SEZ6L: variants seen among roughly 807,000 people sequenced by gnomAD.
SEZ6L encodes the protein seizure 6-like protein.
A neutral mutation model predicts 106.2 loss-of-function variants in SEZ6L; 37 were observed. The observed-to-expected ratio is 0.35, with a 90% CI of 0.27 to 0.46. The LOEUF is 0.46. Among genes scored for constraint, SEZ6L ranks in the 20% least tolerant of loss-of-function variants. SEZ6L has a pLI of 1.00. For missense variants in SEZ6L, 1,172 were observed against 1,332.8 expected (o/e 0.88, Z 1.88); for synonymous variants, 541 against 570.4 (o/e 0.95, Z 0.73).
intron 1 of SEZ6L, among the ~76,000 whole-genome samples, chr22:26,231,109 T>C (rs904713217): frequency 3.9e-5 from 6 of 152,342 alleles, no homozygotes; most frequent in African/African-American, 1.4e-4. Flanking sequence ...GCAAGAGGTA[T>C]TGCTCCCTGT....
chr22:26,232,979 C>T (rs2078847217), intron 1 of SEZ6L, among the ~76,000 whole-genome samples: 1 of 152,204 alleles, frequency 6.6e-6, no homozygotes, highest in South Asian at 2.1e-4. Context: ...AGACTCTGTC[C>T]TCCCCCGACA....
intron 5 of SEZ6L, among the ~76,000 whole-genome samples, chr22:26,302,848 GAGA>G (rs1165138880): frequency 6.6e-6 from 1 of 152,224 alleles, no homozygotes; most frequent in Non-Finnish European, 1.5e-5. Flanking sequence ...AAGGGAAGCA[GAGA>G]AGCCGCAAAC....
chr22:26,362,861 G>A (rs1209463128), intron 12 of SEZ6L, among the ~76,000 whole-genome samples: 1 of 152,180 alleles, frequency 6.6e-6, no homozygotes, highest in Non-Finnish European at 1.5e-5. Context: ...TCAACCTCAA[G>A]AGTGAAGCCA....
At chr22:26,261,050 C>T (rs7287748) in intron 1 of SEZ6L, among the ~76,000 whole-genome samples, 18,273 of 150,746 alleles carry the variant, frequency 0.12, 1,386 homozygotes, top group East Asian at 0.33. Context: ...ATTATCTATT[C>T]ATGTCCTTAG....
chr22:26,256,239 G>C (rs140788452), intron 1 of SEZ6L, among the ~76,000 whole-genome samples: 1 of 152,162 alleles, frequency 6.6e-6, no homozygotes, highest in Admixed American at 6.5e-5. Flanking sequence ...TGCCAGGGAC[G>C]TGTGCATGAA....
At chr22:26,230,508 T>C (rs1313546630) in intron 1 of SEZ6L, among the ~76,000 whole-genome samples, 1 of 152,196 alleles carries the variant, frequency 6.6e-6, no homozygotes, top group African/African-American at 2.4e-5. Context: ...AGGTTCCTGC[T>C]TTTGTGGTCC....
intron 1 of SEZ6L, among the ~76,000 whole-genome samples, chr22:26,195,563 A>G (rs187605671): frequency 6.6e-6 from 1 of 152,322 alleles, no homozygotes; most frequent in Non-Finnish European, 1.5e-5. Context: ...ATTATGTTGT[A>G]TTTATTCACT....
intron 9 of SEZ6L, among the ~76,000 whole-genome samples, chr22:26,333,100 G>A (rs761431216): frequency 6.6e-6 from 1 of 152,246 alleles, no homozygotes; most frequent in South Asian, 2.1e-4. Flanking sequence ...CCCTGAGAAA[G>A]GGAGGATTTA....
At chr22:26,325,993 G>C (rs993563045) in intron 9 of SEZ6L, among the ~76,000 whole-genome samples, 1 of 151,904 alleles carries the variant, frequency 6.6e-6, no homozygotes, top group Non-Finnish European at 1.5e-5. Flanking sequence ...TGTTACAGTA[G>C]GAATGAAGAG....
chr22:26,297,067 G>A lies in SEZ6L; in HGVS notation c.1149G>A (p.Gln383=). ...AGGACGACGGCCTTGGGACCTTCCA[G>A]CTTCACTACCAGGGTAGGGTCAGGC... is the stretch of plus-strand genomic sequence containing the variant. ...TFQDDGLGTF[Q]LHYQAFMLSC... is the part of the protein sequence containing the mutation. The change falls in exon 4 of 17, where the codon CAG becomes CAA. Residue 383 remains glutamine, a synonymous_variant. Coordinates refer to ENST00000248933, the MANE Select transcript of SEZ6L (RefSeq NM_021115.5). 1.2e-6 allele frequency: 2 copies of A among 1,612,834 alleles called. No individual in the cohort carries two copies. Among genetic ancestry groups the A allele is most frequent in the Non-Finnish European group, 1.7e-6 (2 of 1,179,308 alleles).
At chr22:26,329,168 G>GA (rs1371392525) in intron 9 of SEZ6L, among the ~76,000 whole-genome samples, 1 of 152,100 alleles carries the variant, frequency 6.6e-6, no homozygotes, top group East Asian at 1.9e-4. Flanking sequence ...AAGGAACAAA[G>GA]AAGAGACTAA....
chr22:26,256,630 GA>G (rs1192543546), intron 1 of SEZ6L, among the ~76,000 whole-genome samples: 2 of 152,214 alleles, frequency 1.3e-5, no homozygotes, highest in Non-Finnish European at 2.9e-5. Context: ...GACTCTCGTG[GA>G]CTTCCACGGC....
chr22:26,234,716 A>G lies in SEZ6L; in HGVS notation c.95-57690A>G, dbSNP rs149522229. Among the ~76,000 whole-genome samples, 62 of 152,380 alleles carry G rather than the reference A, an allele frequency of 4.1e-4. 1 individual carries two copies. Among genetic ancestry groups the G allele is most frequent in the Middle Eastern group, 3.4e-3 (1 of 294 alleles). On this transcript the variant is annotated intron_variant, in intron 1 of 16. Transcript: ENST00000248933. ...GCTCATTTTCCCAAACATTTAGTAA[A>G]CTATATACTGTGCTCTAGGCACCAG...
At chr22:26,200,304 ATG>A (rs974432164) in intron 1 of SEZ6L, among the ~76,000 whole-genome samples, 2 of 151,914 alleles carry the variant, frequency 1.3e-5, no homozygotes, top group Non-Finnish European at 2.9e-5. Flanking sequence ...ATGCCTGTGT[ATG>A]TGTGTTTGTG....
chr22:26,303,894 C>G (rs1442318464), intron 5 of SEZ6L, among the ~76,000 whole-genome samples: 1 of 152,156 alleles, frequency 6.6e-6, no homozygotes, highest in African/African-American at 2.4e-5. Flanking sequence ...TTTTCAAGCT[C>G]CTTTGATCCT....
chr22:26,277,354 G>A (rs1316951752), intron 1 of SEZ6L, among the ~76,000 whole-genome samples: 1 of 152,210 alleles, frequency 6.6e-6, no homozygotes, highest in African/African-American at 2.4e-5. Context: ...AGCAGACTCA[G>A]GAGGTATCCA....
intron 1 of SEZ6L, among the ~76,000 whole-genome samples, chr22:26,204,354 A>T (rs921682050): frequency 5.9e-5 from 9 of 152,220 alleles, no homozygotes; most frequent in Admixed American, 3.3e-4. Flanking sequence ...CTTTAAAATA[A>T]TAGCCATACC....
At chr22:26,181,727 A>G (rs1253120208) in intron 1 of SEZ6L, among the ~76,000 whole-genome samples, 1 of 152,172 alleles carries the variant, frequency 6.6e-6, no homozygotes, top group African/African-American at 2.4e-5. Flanking sequence ...ACTCTGTAAA[A>G]CTTGTAGAAT....
chr22:26,380,303 T>C lies in SEZ6L; in HGVS notation c.*8T>C. ...TATGAGGTTTCTATCTAAAGAGAGC[T>C]ACACTTGAGAAGGGGACTTGTGAAC... is the stretch of plus-strand genomic sequence containing the variant. On this transcript the variant is annotated 3_prime_UTR_variant, in exon 17 of 17. Transcript: ENST00000248933. The C allele has an allele frequency of 1.2e-6, 2 of 1,612,588 alleles. No homozygotes were observed. Among genetic ancestry groups the C allele is most frequent in the South Asian group, 2.2e-5 (2 of 91,004 alleles).
Sources: allele counts gnomAD v4.1 joint callset (sites outside exome capture counted in the v4.1 genomes callset), GRCh38; gene constraint gnomAD v4.1.1; transcripts MANE v1.5; gene names NCBI Gene and HGNC (gene_info 2026-07-23, HGNC 2026-07-21).